Variants in VPS13C observed in about 807,000 individuals in gnomAD.
The protein encoded by VPS13C is intermembrane lipid transfer protein VPS13C.
In VPS13C, 358 loss-of-function variants were observed where a neutral mutation model predicts 456.8. The observed-to-expected ratio is 0.78, with a 90% CI of 0.72 to 0.86. VPS13C has a LOEUF of 0.86. Ranked by LOEUF, VPS13C falls within the 40% of genes least tolerant of loss-of-function variation. The probability of loss-of-function intolerance (pLI) is 0.00; values close to 1 mark genes in which losing one functional copy is unlikely to be tolerated. For missense variants in VPS13C, 4,818 were observed against 4,385.4 expected (o/e 1.10, Z -2.79); for synonymous variants, 1,578 against 1,486.7 (o/e 1.06, Z -1.41).
chr15:61,941,425 A>G (rs2044420578), intron 46 of VPS13C, among the ~76,000 whole-genome samples: 2 of 152,160 alleles, frequency 1.3e-5, no homozygotes, highest in Non-Finnish European at 1.5e-5. Flanking sequence ...TATATTACGA[A>G]GTTTTTTCCC....
At chr15:61,859,281 G>A (rs1894094652) in intron 82 of VPS13C, among the ~76,000 whole-genome samples, 1 of 152,098 alleles carries the variant, frequency 6.6e-6, no homozygotes, top group Non-Finnish European at 1.5e-5. Context: ...ACAATCACCT[G>A]AGCCCAGAGA....
chr15:62,001,692 C>T (rs2046623119), intron 15 of VPS13C, among the ~76,000 whole-genome samples: 1 of 152,122 alleles, frequency 6.6e-6, no homozygotes, highest in South Asian at 2.1e-4. Context: ...CAACAGTCCC[C>T]AGAGTGTGAT....
chr15:62,001,414 T>C (rs933238954), intron 15 of VPS13C, among the ~76,000 whole-genome samples: 4 of 152,234 alleles, frequency 2.6e-5, no homozygotes, highest in African/African-American at 4.8e-5. Context: ...GAATCATTGC[T>C]AGAAATAGTT....
intron 18 of VPS13C, among the ~76,000 whole-genome samples, chr15:61,987,009 A>C (rs1218246810): frequency 1.3e-5 from 2 of 152,150 alleles, no homozygotes; most frequent in Non-Finnish European, 2.9e-5. Flanking sequence ...GTAGAACGAA[A>C]ATTACTGACA....
At chr15:61,965,020 G>C (rs2045334757) in intron 30 of VPS13C, among the ~76,000 whole-genome samples, 159 bp from the exon 31 acceptor site, 1 of 151,794 alleles carries the variant, frequency 6.6e-6, no homozygotes, top group Non-Finnish European at 1.5e-5. Flanking sequence ...CCTTAAAAAG[G>C]GAATATACAG....
chr15:61,977,117 A>G lies in VPS13C; in HGVS notation c.2373T>C (p.Ala791=). 1 of 1,601,548 alleles carries G rather than the reference A, an allele frequency of 6.2e-7. No homozygotes were observed. The highest frequency in any genetic ancestry group is 1.1e-5 in the South Asian group (1 of 88,918). The change falls in exon 24 of 85, where the codon GCT becomes GCC. Residue 791 remains alanine (A), a synonymous_variant. Coordinates refer to ENST00000644861, the MANE Select transcript of VPS13C (RefSeq NM_020821.3). ...LQPMDIHVEL[A]KAMVEKDIRM... ...TAATGTCTTTTTCTACCATGGCCTT[A>G]GCCAACTCAACATGAATATCCATGG...
chr15:61,883,940 T>C (rs1896068917), intron 68 of VPS13C, among the ~76,000 whole-genome samples, 188 bp downstream of exon 68: 1 of 151,908 alleles, frequency 6.6e-6, no homozygotes, highest in African/African-American at 2.4e-5. Context: ...TAAATAACAA[T>C]ATATTTTAAT....
At chr15:61,959,723 T>G in intron 35 of VPS13C, 128 bp from the exon 36 acceptor site, 1 of 846,516 alleles carries the variant, frequency 1.2e-6, no homozygotes, top group Non-Finnish European at 1.7e-6. Context: ...GCTTGAGTAT[T>G]TTCAAAACTG....
intron 75 of VPS13C, among the ~76,000 whole-genome samples, chr15:61,876,245 C>A (rs908318193): frequency 1.3e-5 from 2 of 151,862 alleles, no homozygotes; most frequent in Non-Finnish European, 2.9e-5. Context: ...CCAGTCTGGG[C>A]AACATAGTGA....
chr15:61,883,195 T>C (rs1396779255), intron 68 of VPS13C, among the ~76,000 whole-genome samples: 2 of 148,430 alleles, frequency 1.3e-5, no homozygotes, highest in Admixed American at 1.4e-4. Flanking sequence ...TAATTTTAAT[T>C]TTATTATCTT....
At chr15:61,938,631 CT>C (rs140916200) in intron 47 of VPS13C, among the ~76,000 whole-genome samples, 1 of 152,004 alleles carries the variant, frequency 6.6e-6, no homozygotes, top group African/African-American at 2.4e-5. Flanking sequence ...TCAGATGTTA[CT>C]TTTTTTTCTT....
chr15:62,029,653 T>C lies in VPS13C; in HGVS notation c.386-1233A>G, dbSNP rs574868322. On this transcript the variant is annotated intron_variant, in intron 5 of 84. Coordinates refer to ENST00000644861, the MANE Select transcript of VPS13C (RefSeq NM_020821.3). ...TATTATTATGCAAATTTCTTATTTG[T>C]CCAATTAAAATATAAGGTCTTTGAC... Among the ~76,000 whole-genome samples the C allele has an allele frequency of 3.3e-5, 5 of 152,214 alleles. No individual in the cohort carries two copies. The South Asian group carries it at 1.0e-3, about 32-fold the overall frequency.
intron 41 of VPS13C, 56 bp downstream of exon 41, chr15:61,950,302 T>A: frequency 8.5e-6 from 11 of 1,295,082 alleles, no homozygotes; most frequent in Non-Finnish European, 1.1e-5. Context: ...AAAATGGCTA[T>A]GAAGCTAGAT....
chr15:61,938,844 G>T (rs1254412588), intron 47 of VPS13C, among the ~76,000 whole-genome samples: 1 of 152,018 alleles, frequency 6.6e-6, no homozygotes, highest in African/African-American at 2.4e-5. Context: ...CGCCCTTAGA[G>T]AAAGACACCA....
At chr15:62,051,357 T>G (rs2048612207) in intron 1 of VPS13C, among the ~76,000 whole-genome samples, 2 of 152,182 alleles carry the variant, frequency 1.3e-5, no homozygotes, top group African/African-American at 4.8e-5. Flanking sequence ...ATAACATTAC[T>G]CAATCCTCAC....
chr15:62,019,959 T>C lies in VPS13C; in HGVS notation c.684+520A>G, dbSNP rs184187074. Among the ~76,000 whole-genome samples, 424 of 149,376 alleles carry C rather than the reference T, an allele frequency of 2.8e-3. 2 individuals are homozygous for C. Among genetic ancestry groups the C allele is most frequent in the African/African-American group, 9.9e-3 (404 of 40,992 alleles). On this transcript the variant is annotated intron_variant, in intron 9 of 84. Transcript: ENST00000644861. Reference sequence around the variant, plus strand: ...TAAAAATGTCCAGCCTATATATATATATACATATATATATATGTATGTGTG... The same window carrying C: ...TAAAAATGTCCAGCCTATATATATACATACATATATATATATGTATGTGTG...
chr15:61,916,236 C>A (rs992728516), intron 60 of VPS13C, among the ~76,000 whole-genome samples: 1 of 152,074 alleles, frequency 6.6e-6, no homozygotes, highest in Non-Finnish European at 1.5e-5. Flanking sequence ...TGACTTTGGC[C>A]ATTAGGAGGC....
chr15:61,903,663 T>C (rs1201889457), intron 66 of VPS13C, among the ~76,000 whole-genome samples: 2 of 152,118 alleles, frequency 1.3e-5, no homozygotes, highest in Non-Finnish European at 2.9e-5. Flanking sequence ...CTAAAATTCA[T>C]ATGGAACCTG....
chr15:62,050,933 C>CAA (rs1045798366), intron 1 of VPS13C, among the ~76,000 whole-genome samples: 1 of 129,890 alleles, frequency 7.7e-6, no homozygotes. Flanking sequence ...GGAGTCATCG[C>CAA]AAAAAAAAAA....
Sources: gnomAD v4.1 joint callset for allele counts (sites outside exome capture counted in the v4.1 genomes callset) on GRCh38, gnomAD v4.1.1 for gene constraint, MANE v1.5 for transcripts, NCBI Gene and HGNC (gene_info 2026-07-23, HGNC 2026-07-21) for gene names.